Variants in FUNDC2 observed in about 807,000 individuals in gnomAD.
FUNDC2 encodes the protein FUN14 domain-containing protein 2.
Under a neutral mutation model 15.6 loss-of-function variants are expected in FUNDC2, and 4 were observed. The ratio of observed to expected loss-of-function variants is 0.26; its 90% confidence interval spans 0.13 to 0.59. The LOEUF (loss-of-function observed/expected upper bound fraction) is 0.59. Among genes scored for constraint, FUNDC2 ranks in the 20% least tolerant of loss-of-function variants. The pLI is 0.90. For missense variants in FUNDC2, 98 were observed against 149.7 expected (o/e 0.65, Z 1.80); for synonymous variants, 44 against 56.9 (o/e 0.77, Z 1.02).
intron 1 of FUNDC2, 52 bp downstream of exon 1, chrX:155,027,123 C>T: frequency 9.5e-7 from 1 of 1,051,654 alleles, no homozygotes; most frequent in Admixed American, 4.0e-5. Context: ...CCTTCCTGGG[C>T]TCCGGAAGGG....
At chrX:155,029,190 A>G (rs2073806201) in intron 1 of FUNDC2, among the ~76,000 whole-genome samples, 1 of 111,971 alleles carries the variant, frequency 8.9e-6, no homozygotes, top group Non-Finnish European at 1.9e-5. Flanking sequence ...AGACTGACTC[A>G]CATAGAGTAG....
At chrX:155,034,320 T>C (rs2073824700) in intron 2 of FUNDC2, among the ~76,000 whole-genome samples, 1 of 112,681 alleles carries the variant, frequency 8.9e-6, no homozygotes, top group Non-Finnish European at 1.9e-5. Context: ...CTTTTTTCGC[T>C]CAACCTGATG....
intron 2 of FUNDC2, among the ~76,000 whole-genome samples, chrX:155,036,606 A>G (rs1260525969): frequency 9.0e-6 from 1 of 111,231 alleles, no homozygotes; most frequent in African/African-American, 3.3e-5. Context: ...TAGATTGTAT[A>G]TAGGTTCGGA....
In FUNDC2 at chrX:155,058,120, A is replaced by G. The variant is rs2073914846; in HGVS notation, c.*3448A>G. On this transcript the variant is annotated 3_prime_UTR_variant, in exon 5 of 5. Coordinates refer to ENST00000369498, the MANE Select transcript of FUNDC2 (RefSeq NM_023934.4). ...GCCTCCAGACATTCATTAACAGGAC[A>G]GTGGGGTTCTTGACTCCCCTACCAC... 9.0e-6 allele frequency: 1 copy of G among 111,469 alleles called. No individual in the cohort carries two copies. The highest frequency in any genetic ancestry group is 3.3e-5 in the African/African-American group (1 of 30,573). The allele number at this position is 111,469 out of a possible 1,213,427, so 9.2% of individuals were successfully genotyped here. A position where few individuals can be genotyped will look rare whatever the true frequency, so the allele number is the denominator to read the frequency against.
chrX:155,044,873 A>G (rs2073857652), intron 2 of FUNDC2, among the ~76,000 whole-genome samples: 2 of 112,203 alleles, frequency 1.8e-5, no homozygotes, highest in African/African-American at 6.5e-5. Context: ...TACCCCAAGG[A>G]AATGAAATCA....
In FUNDC2 at chrX:155,027,033, C is replaced by T; in HGVS notation, c.95C>T (p.Ser32Leu). The change falls in exon 1 of 5, where the codon TCG becomes TTG. Residue 32 changes from serine to leucine, a missense_variant. Physicochemically the swap from Ser to Leu is moderately radical, Grantham distance 145. Coordinates refer to ENST00000369498, the MANE Select transcript of FUNDC2 (RefSeq NM_023934.4). ...CGCGCAGATCCTCTACGTGTGTCCT[C>T]GCGAGACAAGCTCACCGAAATGGCC... is the stretch of plus-strand genomic sequence containing the variant. The part of the protein sequence containing the change: ...AYRADPLRVS[S>L]RDKLTEMAAS... 1 of 1,197,380 alleles carries T rather than the reference C, an allele frequency of 8.4e-7. No individual in the cohort carries two copies. Among genetic ancestry groups the T allele is most frequent in the Non-Finnish European group, 1.1e-6 (1 of 887,419 alleles).
chrX:155,035,192 T>C lies in FUNDC2; in HGVS notation c.284+1639T>C, dbSNP rs188279108. ...ATTTAGATTTATTATCCACCTGGAA[T>C]TGTTATTGTGCTCAGTATGTGGTAG... On this transcript the variant is annotated intron_variant, in intron 2 of 4. Transcript: ENST00000369498. Among the ~76,000 whole-genome samples the C allele has an allele frequency of 1.8e-4, 20 of 111,612 alleles. No individual in the cohort carries two copies. In the East Asian group the frequency reaches 5.3e-3, roughly 30 times the overall value.
chrX:155,051,473 T>C (rs1195042024), intron 3 of FUNDC2, 197 bp from the exon 4 acceptor site: 1 of 418,670 alleles, frequency 2.4e-6, no homozygotes, highest in African/African-American at 2.5e-5. Flanking sequence ...AGTAGTTATT[T>C]CTAGTGCCAG....
chrX:155,028,116 T>TAGACTTTTATAAGAGCAGACTGCTCTTAC (rs2073801702), intron 1 of FUNDC2, among the ~76,000 whole-genome samples: 1 of 112,145 alleles, frequency 8.9e-6, no homozygotes, highest in Non-Finnish European at 1.9e-5. Context: ...ACTGCTCTTA[T>TAGACTTTTATAAGAGCAGACTGCTCTTAC]AGGTTGATCA....
chrX:155,030,256 C>T (rs1211500460), intron 1 of FUNDC2, among the ~76,000 whole-genome samples: 3 of 105,798 alleles, frequency 2.8e-5, no homozygotes, highest in African/African-American at 7.0e-5. Context: ...CAGTGCTGGG[C>T]GAGGTGGCTC....
intron 2 of FUNDC2, among the ~76,000 whole-genome samples, chrX:155,039,048 CAGGTGTG>C (rs2073840109): frequency 8.9e-6 from 1 of 112,201 alleles, no homozygotes; most frequent in Non-Finnish European, 1.9e-5. Context: ...GCCATCCTAA[CAGGTGTG>C]AGGTGATAGC....
chrX:155,054,116 G>A (rs5945282), intron 4 of FUNDC2: 311,916 of 749,523 alleles, frequency 0.42, 50,505 homozygotes, highest in African/African-American at 0.92. Context: ...CAGGTTTCAG[G>A]GGGGAATGCA....
At chrX:155,027,217 C>A (rs368447745) in intron 1 of FUNDC2, 146 bp downstream of exon 1, 2 of 627,577 alleles carry the variant, frequency 3.2e-6, no homozygotes, top group African/African-American at 4.8e-5. Flanking sequence ...TCGGGGATCG[C>A]CCCTGGCTCA....
rs1036980904 is a variant in FUNDC2, at chrX:155,058,350, C to G, written c.*3678C>G. On this transcript the variant is annotated 3_prime_UTR_variant, in exon 5 of 5. Transcript: ENST00000369498. ...ACTATTGTGGTAAGAATAGTCTCTC[C>G]ATCATTCTTTTGTTTCACGGTTGTC... 1 of 111,773 alleles carries G rather than the reference C, an allele frequency of 8.9e-6. No individual in the cohort carries two copies. Among genetic ancestry groups the G allele is most frequent in the African/African-American group, 3.3e-5 (1 of 30,645 alleles). The allele number at this position is 111,773 out of a possible 1,213,427, so 9.2% of individuals were successfully genotyped here. A position where few individuals can be genotyped will look rare whatever the true frequency, so the allele number is the denominator to read the frequency against.
Position 155,058,191 on chromosome X carries a change from T to C in FUNDC2, c.*3519T>C, listed in dbSNP as rs1232253839. ...CTGGATCTGGGCAGTTACTGTCTCA[T>C]GGATGCTGGCAGAAGACGATTCAAG... On this transcript the variant is annotated 3_prime_UTR_variant, in exon 5 of 5. Transcript: ENST00000369498. The C allele has an allele frequency of 9.0e-6, 1 of 111,494 alleles. No individual in the cohort carries two copies. Among genetic ancestry groups the C allele is most frequent in the Non-Finnish European group, 1.9e-5 (1 of 53,118 alleles). The allele number at this position is 111,494 out of a possible 1,213,427, so 9.2% of individuals were successfully genotyped here.
At chrX:155,027,415 C>G (rs782381378) in intron 1 of FUNDC2, 1 of 137,897 alleles carries the variant, frequency 7.3e-6, no homozygotes, top group African/African-American at 3.1e-5. Flanking sequence ...TCAAATGCCT[C>G]GTGGCGTCAT....
In FUNDC2 at chrX:155,059,218, T is replaced by C. The variant is rs1287294833; in HGVS notation, c.*4546T>C. On this transcript the variant is annotated 3_prime_UTR_variant, in exon 5 of 5. Coordinates refer to ENST00000369498, the MANE Select transcript of FUNDC2 (RefSeq NM_023934.4). Reference sequence around the variant, plus strand: ...TTAAAGCCTTTTATATTAAGTGCCATACAACTTCAGATGCCTTCTGAATAC... The same window carrying C: ...TTAAAGCCTTTTATATTAAGTGCCACACAACTTCAGATGCCTTCTGAATAC... The C allele has an allele frequency of 1.8e-5, 2 of 112,543 alleles. No homozygotes were observed. The highest frequency in any genetic ancestry group is 6.5e-5 in the African/African-American group (2 of 30,932). 9.3% of individuals were successfully genotyped at this position (112,543 alleles called of 1,213,427 possible).
Position 155,030,683 on chromosome X carries a change from CTT to C in FUNDC2, c.134-2702_134-2701del, listed in dbSNP as rs369740085. Reference sequence around the variant, plus strand: ...AATCCCTTTCTATTCCTATTTTCTACTTTTTTTTTTTTTTTTTTTGAGATGGA... The same window carrying C: ...AATCCCTTTCTATTCCTATTTTCTACTTTTTTTTTTTTTTTTTGAGATGGA... On this transcript the variant is annotated intron_variant, in intron 1 of 4. Transcript: ENST00000369498. 6.1e-4 allele frequency among the ~76,000 whole-genome samples: 52 copies of C among 85,634 alleles called. 1 individual carries two copies. Among genetic ancestry groups the C allele is most frequent in the Middle Eastern group, 6.0e-3 (1 of 167 alleles). The allele number at this position is 85,634 out of a possible 115,157, so 74.4% of individuals were successfully genotyped here.
chrX:155,050,930 C>G (rs781834990), intron 3 of FUNDC2: 52 of 112,047 alleles, frequency 4.6e-4, no homozygotes, highest in African/African-American at 1.6e-3. Context: ...CAGGAGGAGA[C>G]TCTAGCAAGG....
Sources: gnomAD v4.1 joint callset for allele counts (sites outside exome capture counted in the v4.1 genomes callset) on GRCh38, gnomAD v4.1.1 for gene constraint, MANE v1.5 for transcripts, NCBI Gene and HGNC (gene_info 2026-07-23, HGNC 2026-07-21) for gene names.